VRK3: variants seen among roughly 807,000 people sequenced by gnomAD.
The protein encoded by VRK3 is serine/threonine-protein kinase VRK3.
Under a neutral mutation model 60.4 loss-of-function variants are expected in VRK3, and 50 were observed. The observed-to-expected ratio is 0.83, with a 90% CI of 0.66 to 1.05. The LOEUF is 1.05. Ranked by LOEUF, VRK3 falls within the 50% of genes least tolerant of loss-of-function variation. The probability of loss-of-function intolerance (pLI) is 0.00; values close to 1 mark genes in which losing one functional copy is unlikely to be tolerated. For missense variants in VRK3, 549 were observed against 585.3 expected, an observed-to-expected ratio of 0.94 and a Z score of 0.64; for synonymous variants, 246 against 227.8, an observed-to-expected ratio of 1.08 and a Z score of -0.72.
At chr19:50,025,219 G>C (rs911564527) in intron 1 of VRK3, 48 bp downstream of exon 1, 2 of 152,300 alleles carry the variant, frequency 1.3e-5, no homozygotes, top group Non-Finnish European at 2.9e-5. Context: ...GCCGAGCTGC[G>C]GCTAGGGGGT....
At chr19:50,010,378 T>G (rs10418769) in intron 3 of VRK3, among the ~76,000 whole-genome samples, 1 of 152,206 alleles carries the variant, frequency 6.6e-6, no homozygotes, top group African/African-American at 2.4e-5. Context: ...GCTTATTTCC[T>G]GGTGTCTTTG....
intron 6 of VRK3, chr19:49,999,587 G>A (rs1233561168): frequency 6.6e-6 from 1 of 152,304 alleles, no homozygotes; most frequent in African/African-American, 2.4e-5. Context: ...CCTTCCCAGT[G>A]GATGGGGAGG....
chr19:50,006,320 A>AAATAAT (rs1568802388), intron 5 of VRK3, among the ~76,000 whole-genome samples: 8 of 137,164 alleles, frequency 5.8e-5, no homozygotes, highest in African/African-American at 2.9e-4. Flanking sequence ...AAAAAAATAA[A>AAATAAT]AAATAATAAA....
intron 12 of VRK3, among the ~76,000 whole-genome samples, chr19:49,983,335 T>C (rs2076456289): frequency 6.6e-6 from 1 of 152,108 alleles, no homozygotes; most frequent in African/African-American, 2.4e-5. Context: ...AGGTGGCTGT[T>C]CTCCCTTTGA....
intron 12 of VRK3, chr19:49,981,793 G>GACACACAC: frequency 1.9e-6 from 2 of 1,026,322 alleles, no homozygotes; most frequent in Non-Finnish European, 2.4e-6. Flanking sequence ...CACACACACA[G>GACACACAC]ACACACACAC....
chr19:50,007,458 A>C (rs1347598436), intron 5 of VRK3, 111 bp downstream of exon 5: 1 of 1,508,650 alleles, frequency 6.6e-7, no homozygotes, highest in Non-Finnish European at 9.0e-7. Flanking sequence ...GCCTAGCGAC[A>C]GGTCTGCAGC....
At chr19:49,983,701 A>C (rs943503072) in intron 12 of VRK3, among the ~76,000 whole-genome samples, 15 of 152,364 alleles carry the variant, frequency 9.8e-5, no homozygotes, top group African/African-American at 3.4e-4. Context: ...GTGAACTACA[A>C]TGTGCAAAAA....
At chr19:49,979,897 A>G (rs1354690582) in intron 13 of VRK3, among the ~76,000 whole-genome samples, 1 of 151,872 alleles carries the variant, frequency 6.6e-6, no homozygotes, top group East Asian at 1.9e-4. Context: ...AAAAATACAA[A>G]AAATTAGCCA....
intron 12 of VRK3, 185 bp from the exon 13 acceptor site, chr19:49,981,198 G>A: frequency 3.2e-6 from 2 of 630,422 alleles, no homozygotes; most frequent in Non-Finnish European, 5.7e-6. Context: ...TTGCTCCCAA[G>A]GGAAACAGCA....
chr19:49,997,760 G>A, intron 6 of VRK3, 190 bp from the exon 7 acceptor site: 1 of 557,880 alleles, frequency 1.8e-6, no homozygotes, highest in Non-Finnish European at 3.1e-6. Context: ...CTGTACCCAG[G>A]TTCCTTTTCT....
chr19:49,991,571 G>A (rs1415906874), intron 10 of VRK3, among the ~76,000 whole-genome samples: 1 of 151,126 alleles, frequency 6.6e-6, no homozygotes, highest in African/African-American at 2.5e-5. Context: ...CTGTTTCTCT[G>A]AAGATTCCTA....
rs758164124 is a variant in VRK3, at chr19:49,997,521, G to A, written c.662C>T (p.Ala221Val). 6.2e-7 allele frequency: 1 copy of A among 1,613,924 alleles called. No homozygotes were observed. Among genetic ancestry groups the A allele is most frequent in the South Asian group, 1.1e-5 (1 of 91,040 alleles). Residue 221 changes from alanine to valine, a missense_variant, in exon 7 of 15, where the codon GCC becomes GTC. By Grantham distance (64) the Ala-to-Val change is moderately conservative. Coordinates refer to ENST00000316763, the MANE Select transcript of VRK3 (RefSeq NM_016440.4). Reference protein sequence around the residue: ...LFNEQNFFQRAAKPLQVNKWK... With the variant: ...LFNEQNFFQRVAKPLQVNKWK... ...TCAGGTACCTTGCAGAGGCTTGGCGGCCCGCTGGAAGAAGTTCTGCTCATT... is the reference window on the plus strand; with the variant it reads ...TCAGGTACCTTGCAGAGGCTTGGCGACCCGCTGGAAGAAGTTCTGCTCATT...
chr19:50,000,478 C>T (rs987702168), intron 6 of VRK3: 1 of 424,276 alleles, frequency 2.4e-6, no homozygotes, highest in Non-Finnish European at 4.3e-6. Flanking sequence ...GGCAGATGGG[C>T]CACACCCTGT....
chr19:50,004,199 G>C (rs75754005), intron 5 of VRK3, among the ~76,000 whole-genome samples: 3,088 of 152,162 alleles, frequency 0.02, 104 homozygotes, highest in African/African-American at 0.071. Flanking sequence ...GTGGGTTTCT[G>C]GGGGAGGTCA....
At chr19:50,019,818 G>A (rs2077142189) in intron 2 of VRK3, among the ~76,000 whole-genome samples, 1 of 150,472 alleles carries the variant, frequency 6.6e-6, no homozygotes, top group Non-Finnish European at 1.5e-5. Context: ...GATTACAGGT[G>A]TGGGCCACCA....
At chr19:49,998,635 T>C (rs886549214) in intron 6 of VRK3, 3 of 152,156 alleles carry the variant, frequency 2.0e-5, no homozygotes, top group Non-Finnish European at 2.9e-5. Flanking sequence ...TGCTGAGTAT[T>C]ATTCTGGGCA....
At chr19:50,022,799 T>C (rs529920015) in intron 1 of VRK3, among the ~76,000 whole-genome samples, 1 of 151,822 alleles carries the variant, frequency 6.6e-6, no homozygotes, top group Non-Finnish European at 1.5e-5. Context: ...GTCTCATAAA[T>C]AAACAAATAA....
chr19:50,006,160 T>G lies in VRK3; in HGVS notation c.547+1409A>C, dbSNP rs2076887195. Among the ~76,000 whole-genome samples, 4 of 150,736 alleles carry G rather than the reference T, an allele frequency of 2.7e-5. No homozygotes were observed. The South Asian group carries it at 6.3e-4, about 24-fold the overall frequency. ...AAATAAAAATAAAAAAATAAAAAAA[T>G]TTAGCCCGGTGTGGTGGCATGCGCT... On this transcript the variant is annotated intron_variant, in intron 5 of 14. Transcript: ENST00000316763.
chr19:50,020,806 G>A (rs1229873679), intron 1 of VRK3, among the ~76,000 whole-genome samples, 159 bp from the exon 2 acceptor site: 1 of 152,142 alleles, frequency 6.6e-6, no homozygotes. Flanking sequence ...TCCTGTTTAT[G>A]CCAGCCACTA....
Sources: gnomAD v4.1 joint callset for allele counts (sites outside exome capture counted in the v4.1 genomes callset) on GRCh38, gnomAD v4.1.1 for gene constraint, MANE v1.5 for transcripts, NCBI Gene and HGNC (gene_info 2026-07-23, HGNC 2026-07-21) for gene names.